Variants in ZNF518A observed in about 807,000 individuals in gnomAD.
ZNF518A encodes zinc finger protein 518.
A neutral mutation model predicts 102.7 loss-of-function variants in ZNF518A; 47 were observed. That is an observed-to-expected ratio of 0.46 (90% CI 0.36 to 0.58). The LOEUF (loss-of-function observed/expected upper bound fraction) is 0.58. ZNF518A is among the 20% of genes least tolerant of loss of function. The probability of loss-of-function intolerance (pLI) is 0.00; values close to 1 mark genes in which losing one functional copy is unlikely to be tolerated. For synonymous variants in ZNF518A, 652 were observed against 594.6 expected (o/e 1.10, Z -1.40); for missense variants, 1,793 against 1,699.8 (o/e 1.05, Z -0.96).
At chr10:96,195,736 A>G (rs2083448857) in intron 1 of ZNF518A, among the ~76,000 whole-genome samples, 1 of 152,238 alleles carries the variant, frequency 6.6e-6, no homozygotes, top group African/African-American at 2.4e-5. Flanking sequence ...TTTCACAACA[A>G]TGTAAATATA....
intron 4 of ZNF518A, 36 bp downstream of exon 4, chr10:96,155,412 G>C (rs1393641159): frequency 6.6e-6 from 1 of 152,120 alleles, no homozygotes; most frequent in Non-Finnish European, 1.5e-5. Context: ...GGTAGTGATG[G>C]GTATGTTCTA....
At chr10:96,145,682 T>C (rs1037011677) in intron 3 of ZNF518A, among the ~76,000 whole-genome samples, 2 of 152,224 alleles carry the variant, frequency 1.3e-5, no homozygotes, top group Non-Finnish European at 2.9e-5. Context: ...TGATCTCTTC[T>C]TCACCTTTAG....
downstream of ZNF518A, among the ~76,000 whole-genome samples, chr10:96,166,015 G>T (rs964524209): frequency 1.1e-4 from 16 of 152,256 alleles, no homozygotes; most frequent in South Asian, 2.1e-4. Flanking sequence ...GAACCAAGGG[G>T]CCACGGGTGT....
intron 1 of ZNF518A, among the ~76,000 whole-genome samples, chr10:96,202,037 C>T (rs1554896336): frequency 2.0e-5 from 3 of 152,074 alleles, no homozygotes; most frequent in African/African-American, 7.2e-5. Context: ...GTAGAGGGAG[C>T]TGTGAAGGCA....
chr10:96,131,792 C>G (rs954089189), intron 1 of ZNF518A, among the ~76,000 whole-genome samples: 1 of 152,154 alleles, frequency 6.6e-6, no homozygotes, highest in African/African-American at 2.4e-5. Flanking sequence ...GGATTCTGTT[C>G]TAGTCTCTCT....
intron 3 of ZNF518A, among the ~76,000 whole-genome samples, chr10:96,142,874 C>T (rs935481115): frequency 2.0e-5 from 3 of 151,540 alleles, no homozygotes; most frequent in Non-Finnish European, 2.9e-5. Context: ...GGCGTGATCC[C>T]GGCTCACTGC....
In ZNF518A at chr10:96,157,981, G is replaced by A; in HGVS notation, c.1659G>A (p.Leu553=). The A allele has an allele frequency of 6.2e-7, 1 of 1,613,744 alleles. No homozygotes were observed. The highest frequency in any genetic ancestry group is 8.5e-7 in the Non-Finnish European group (1 of 1,179,774). Residue 553 remains leucine (L), a synonymous_variant, in exon 6 of 6, where the codon TTG becomes TTA. Coordinates refer to ENST00000316045, the MANE Select transcript of ZNF518A (RefSeq NM_001330736.2). ...ATTATGAGAAAAGTGTATCTTCTTTGTCAGCAACATCAGAATTGGTTACAG... is the reference window on the plus strand; with the variant it reads ...ATTATGAGAAAAGTGTATCTTCTTTATCAGCAACATCAGAATTGGTTACAG... The part of the protein sequence containing the change: ...TMDYEKSVSS[L]SATSELVTAS...
chr10:96,138,753 A>G (rs184522025), intron 3 of ZNF518A, among the ~76,000 whole-genome samples: 24 of 152,186 alleles, frequency 1.6e-4, no homozygotes, highest in Admixed American at 4.6e-4. Flanking sequence ...GGTGCTAGCT[A>G]CAAGTCTGGC....
Position 96,159,876 on chromosome 10 carries a change from A to G in ZNF518A, c.3554A>G (p.Lys1185Arg). The G allele has an allele frequency of 1.9e-6, 3 of 1,613,598 alleles. No homozygotes were observed. Among genetic ancestry groups the G allele is most frequent in the Non-Finnish European group, 2.5e-6 (3 of 1,179,746 alleles). ...AATCAGATTATAGGAGGAGAGCAGA[A>G]AGAGCCAGAATCTAGAGATGCCTTA... Reference protein sequence around the residue: ...PSNQIIGGEQKEPESRDALPF... With the variant: ...PSNQIIGGEQREPESRDALPF... The change falls in exon 6 of 6, where the codon AAA becomes AGA. Residue 1185 changes from lysine (K) to arginine (R), a missense_variant. By Grantham distance (26) the Lys-to-Arg change is conservative. Around this residue, in one of 3 missense-constraint regions of ZNF518A, gnomAD observed 1,741 missense variants for 1,622.6 expected, o/e 1.07. Coordinates refer to ENST00000316045, the MANE Select transcript of ZNF518A (RefSeq NM_001330736.2).
chr10:96,141,412 A>G (rs1239555289), intron 3 of ZNF518A, among the ~76,000 whole-genome samples: 1 of 152,200 alleles, frequency 6.6e-6, no homozygotes, highest in Non-Finnish European at 1.5e-5. Context: ...AGAAGGAAGG[A>G]GATGCCATGC....
rs2082842486 is a variant in ZNF518A at position 96,158,808 on chromosome 10, C to A, written c.2486C>A (p.Ser829Tyr). ...KHEREGKIVE[S>Y]SKDFKVQGIF... ...GAGAGAGAAGGCAAAATTGTTGAAT[C>A]TTCGAAAGATTTCAAAGTGCAAGGC... is the stretch of plus-strand genomic sequence containing the variant. Residue 829 changes from serine (S) to tyrosine (Y), a missense_variant, in exon 6 of 6, where the codon TCT becomes TAT. By Grantham distance (144) the Ser-to-Tyr change is moderately radical. Coordinates refer to ENST00000316045, the MANE Select transcript of ZNF518A (RefSeq NM_001330736.2). 1.5e-5 allele frequency: 25 copies of A among 1,613,604 alleles called. No individual in the cohort carries two copies. In the East Asian group the frequency reaches 5.1e-4, roughly 33 times the overall value.
chr10:96,178,800 A>T (rs760198301), intron 1 of ZNF518A, among the ~76,000 whole-genome samples: 1 of 152,038 alleles, frequency 6.6e-6, no homozygotes. Flanking sequence ...AGACTATGTT[A>T]TACAAATAAA....
intron 1 of ZNF518A, among the ~76,000 whole-genome samples, chr10:96,196,322 G>A (rs777323646): frequency 1.2e-4 from 19 of 152,190 alleles, no homozygotes; most frequent in African/African-American, 4.3e-4. Flanking sequence ...ATTTATAGGA[G>A]CAGGCTGGCT....
rs148861597 is a variant in ZNF518A, at chr10:96,171,114, G to A, written n.35+15067G>A. 8.8e-3 allele frequency among the ~76,000 whole-genome samples: 1,338 copies of A among 152,106 alleles called. 8 individuals are homozygous for A. The highest frequency in any genetic ancestry group is 0.011 in the Non-Finnish European group (757 of 67,986). On this transcript the variant is annotated intron_variant and non_coding_transcript_variant, in intron 1 of 2. Transcript: ENST00000442635. The stretch of plus-strand genomic sequence containing the variant: ...AATGCAAAATGGTACAGCCATCTTG[G>A]AAAACAGTATGGGACTTCCTCAATA...
At chr10:96,203,999 A>T in exon 3 of ZNF518A, 1 of 1,464,866 alleles carries the variant, frequency 6.8e-7, no homozygotes, top group Admixed American at 1.7e-5. Context: ...GGCCTATCAG[A>T]CTCTAGGATC....
intron 3 of ZNF518A, among the ~76,000 whole-genome samples, chr10:96,141,341 G>C (rs2081914846): frequency 6.6e-6 from 1 of 152,162 alleles, no homozygotes; most frequent in South Asian, 2.1e-4. Flanking sequence ...ATTGTAAAAG[G>C]TTACATGTCC....
rs1005832952 is a variant in ZNF518A, at chr10:96,159,598, A to G, written c.3276A>G (p.Pro1092=). 2 of 1,613,800 alleles carry G rather than the reference A, an allele frequency of 1.2e-6. No homozygotes were observed. The highest frequency in any genetic ancestry group is 2.7e-5 in the African/African-American group (2 of 75,020). The change falls in exon 6 of 6, where the codon CCA becomes CCG. Residue 1092 remains proline (P), a synonymous_variant. Coordinates refer to ENST00000316045, the MANE Select transcript of ZNF518A (RefSeq NM_001330736.2). ...VKQQNEIFPK[P]PLYTFLPDGK... is the part of the protein sequence containing the mutation. ...AGCAGAATGAGATTTTTCCAAAACCACCTCTTTATACCTTCTTGCCTGATG... is the reference window on the plus strand; with the variant it reads ...AGCAGAATGAGATTTTTCCAAAACCGCCTCTTTATACCTTCTTGCCTGATG...
At chr10:96,168,841 A>T (rs1483304121) in intron 1 of ZNF518A, among the ~76,000 whole-genome samples, 1 of 152,172 alleles carries the variant, frequency 6.6e-6, no homozygotes, top group Non-Finnish European at 1.5e-5. Context: ...CAGTATGCAT[A>T]TTTTTGAGTT....
Position 96,136,518 on chromosome 10 carries a change from T to TA in ZNF518A, c.-302+2873dup, listed in dbSNP as rs1270610545. 2.6e-4 allele frequency among the ~76,000 whole-genome samples: 40 copies of TA among 151,812 alleles called. 1 individual carries two copies. Among genetic ancestry groups the TA allele is most frequent in the Admixed American group, 2.4e-3 (37 of 15,262 alleles). On this transcript the variant is annotated intron_variant, in intron 3 of 5. Transcript: ENST00000316045. ...ATGTAGCAATAGATGTAAAAACATT[T>TA]AAAGGCGTTTTAATGTGGCTTTTTA... is the stretch of plus-strand genomic sequence containing the variant.
Sources: allele counts gnomAD v4.1 joint callset (sites outside exome capture counted in the v4.1 genomes callset), GRCh38; gene constraint gnomAD v4.1.1; regional missense constraint gnomAD v4.1.1; transcripts MANE v1.5; gene names NCBI Gene and HGNC (gene_info 2026-07-23, HGNC 2026-07-21).